Variants in LGR5 observed in about 807,000 individuals in gnomAD.
LGR5 encodes leucine-rich repeat-containing G protein-coupled receptor 5.
Under a neutral mutation model 76.7 loss-of-function variants are expected in LGR5, and 54 were observed. That is an observed-to-expected ratio of 0.70 (90% CI 0.57 to 0.88). The LOEUF is 0.88. Ranked by LOEUF, LGR5 falls within the 40% of genes least tolerant of loss-of-function variation. LGR5 has a pLI of 0.00. For missense variants in LGR5, 1,078 were observed against 1,073.3 expected (o/e 1.00, Z -0.06); for synonymous variants, 406 against 421.9 (o/e 0.96, Z 0.46).
intron 6 of LGR5, among the ~76,000 whole-genome samples, chr12:71,557,154 C>T (rs973029429): frequency 5.3e-5 from 8 of 152,158 alleles, no homozygotes; most frequent in Admixed American, 2.0e-4. Flanking sequence ...GGCGTGGTGA[C>T]TCATGCCTGT....
intron 4 of LGR5, among the ~76,000 whole-genome samples, chr12:71,550,408 C>T (rs1877420392): frequency 6.7e-6 from 1 of 149,932 alleles, no homozygotes; most frequent in Admixed American, 6.7e-5. Flanking sequence ...TCTGGGATTA[C>T]AGGCATGAAC....
At chr12:71,544,834 A>G (rs1337493534) in intron 4 of LGR5, among the ~76,000 whole-genome samples, 2 of 152,234 alleles carry the variant, frequency 1.3e-5, no homozygotes, top group Non-Finnish European at 2.9e-5. Flanking sequence ...ATAATAATCA[A>G]GAATGCTTTT....
chr12:71,583,980 T>C lies in LGR5; in HGVS notation c.1970T>C (p.Leu657Pro). 1.2e-6 allele frequency: 2 copies of C among 1,614,224 alleles called. No homozygotes were observed. Residue 657 changes from leucine (L) to proline (P), a missense_variant, in exon 18 of 18, where the codon CTG (leucine) becomes CCG (proline). By Grantham distance (98) the Leu-to-Pro change is moderately conservative (BLOSUM62 -3). Coordinates refer to ENST00000266674, the MANE Select transcript of LGR5 (RefSeq NM_003667.4). ...GAATCATCTGTTTTCCTGCTTACTC[T>C]GGCAGCCCTGGAGCGTGGGTTCTCT... is the stretch of plus-strand genomic sequence containing the variant. ...ASESSVFLLTLAALERGFSVK... is the reference protein window; with the variant it reads ...ASESSVFLLTPAALERGFSVK...
At chr12:71,449,339 C>T (rs17109687) in intron 1 of LGR5, among the ~76,000 whole-genome samples, 1,761 of 152,244 alleles carry the variant, frequency 0.012, 37 homozygotes, top group African/African-American at 0.04. Flanking sequence ...TTAACTCATG[C>T]GCAGCCCCTG....
intron 1 of LGR5, among the ~76,000 whole-genome samples, chr12:71,442,192 C>G (rs1761224709): frequency 6.6e-6 from 1 of 152,166 alleles, no homozygotes; most frequent in African/African-American, 2.4e-5. Flanking sequence ...CTTGAAAGAA[C>G]AAACATTTGT....
At chr12:71,573,986 C>A (rs1280617) in intron 13 of LGR5, among the ~76,000 whole-genome samples, 73,875 of 150,948 alleles carry the variant, frequency 0.49, 21,763 homozygotes, top group Middle Eastern at 0.67. Context: ...CTAACCCTAA[C>A]CCTTATTCAG....
At chr12:71,486,727 T>C (rs1003646529) in intron 1 of LGR5, among the ~76,000 whole-genome samples, 12 of 152,180 alleles carry the variant, frequency 7.9e-5, no homozygotes, top group African/African-American at 2.7e-4. Flanking sequence ...TTATCTCAGA[T>C]TGTACTCCTT....
At chr12:71,515,604 TATC>T (rs1253958596) in intron 2 of LGR5, among the ~76,000 whole-genome samples, 2 of 152,068 alleles carry the variant, frequency 1.3e-5, no homozygotes, top group African/African-American at 4.8e-5. Flanking sequence ...AATAGGCAAA[TATC>T]ATCCAGATTT....
rs1010293944 is a variant in LGR5 at position 71,440,003 on chromosome 12, C to T, written c.-78C>T. 38 of 1,424,956 alleles carry T rather than the reference C, an allele frequency of 2.7e-5. No individual in the cohort carries two copies. Among genetic ancestry groups the T allele is most frequent in the Non-Finnish European group, 3.4e-5 (35 of 1,036,722 alleles). The allele number at this position is 1,424,956 out of a possible 1,614,324, so 88.3% of individuals were successfully genotyped here. A position where few individuals can be genotyped will look rare whatever the true frequency, so the allele number is the denominator to read the frequency against. On this transcript the variant is annotated 5_prime_UTR_variant, in exon 1 of 18. Coordinates refer to ENST00000266674, the MANE Select transcript of LGR5 (RefSeq NM_003667.4). The surrounding 1 kb of genome is among the most constrained non-coding windows in gnomAD (Gnocchi z 5.3). ...AGTTGCAGAAGCCCACGGAGCGGCG[C>T]CCGGCGCGCCACGGCCCGTAGCAGT...
At chr12:71,521,649 G>A (rs1328866110) in intron 2 of LGR5, among the ~76,000 whole-genome samples, 1 of 152,158 alleles carries the variant, frequency 6.6e-6, no homozygotes, top group Non-Finnish European at 1.5e-5. Context: ...TAGCTGGGTG[G>A]CCATGTAATC....
chr12:71,552,339 C>T (rs2137409088), intron 4 of LGR5, among the ~76,000 whole-genome samples: 2 of 152,176 alleles, frequency 1.3e-5, no homozygotes, highest in East Asian at 3.9e-4. Context: ...CCGAGGTGGG[C>T]AGATCGCATG....
intron 4 of LGR5, among the ~76,000 whole-genome samples, chr12:71,547,637 G>A (rs1592533257): frequency 1.3e-5 from 2 of 152,170 alleles, no homozygotes; most frequent in Admixed American, 6.5e-5. Flanking sequence ...CCCACAAAGA[G>A]AGATATCAAT....
Position 71,583,673 on chromosome 12 carries a change from C to T in LGR5, c.1663C>T (p.Leu555Phe), listed in dbSNP as rs757949658. 5.0e-6 allele frequency: 8 copies of T among 1,613,368 alleles called. No individual in the cohort carries two copies. The East Asian group carries it at 1.8e-4, about 36-fold the overall frequency. ...CCCCTTCAAACCCTGTGAACACCTG[C>T]TTGATGGCTGGCTGATCAGAATTGG... Reference protein sequence around the residue: ...PGPFKPCEHLLDGWLIRIGVW... With the variant: ...PGPFKPCEHLFDGWLIRIGVW... Residue 555 changes from leucine (L) to phenylalanine (F), a missense_variant, in exon 18 of 18, where the codon CTT becomes TTT. By Grantham distance (22) the Leu-to-Phe change is conservative. Transcript: ENST00000266674.
chr12:71,584,412 T>C lies in LGR5; in HGVS notation c.2402T>C (p.Ile801Thr). The change falls in exon 18 of 18, where the codon ATT (isoleucine) becomes ACT (threonine). Residue 801 changes from isoleucine to threonine, a missense_variant. Coordinates refer to ENST00000266674, the MANE Select transcript of LGR5 (RefSeq NM_003667.4). ...CTTACATTTATCAGTCCTGAAGTAA[T>C]TAAGTTTATCCTTCTGGTGGTAGTC... ...INLTFISPEV[I>T]KFILLVVVPL... The C allele has an allele frequency of 6.2e-7, 1 of 1,614,084 alleles. No individual in the cohort carries two copies. Among genetic ancestry groups the C allele is most frequent in the Non-Finnish European group, 8.5e-7 (1 of 1,179,902 alleles).
chr12:71,578,870 A>G lies in LGR5; in HGVS notation c.1347A>G (p.Lys449=), dbSNP rs751374998. ...GGTTACATGGTTTAACTCACTTAAA[A>G]TTAACAGGAAATCATGCCTTACAGA... is the stretch of plus-strand genomic sequence containing the variant. ...ITGLHGLTHL[K]LTGNHALQSL... Residue 449 remains lysine (K), a synonymous_variant, in exon 15 of 18, where the codon AAA becomes AAG. Coordinates refer to ENST00000266674, the MANE Select transcript of LGR5 (RefSeq NM_003667.4). 1.1e-5 allele frequency: 17 copies of G among 1,612,876 alleles called. No individual in the cohort carries two copies. In the African/African-American group the frequency reaches 2.3e-4, roughly 22 times the overall value.
chr12:71,496,834 G>A (rs1261960865), intron 1 of LGR5, among the ~76,000 whole-genome samples: 1 of 152,214 alleles, frequency 6.6e-6, no homozygotes, highest in Admixed American at 6.5e-5. Context: ...ACACAAAAAT[G>A]TCTATAAATG....
At chr12:71,471,641 G>GC in intron 1 of LGR5, among the ~76,000 whole-genome samples, 1 of 142,670 alleles carries the variant, frequency 7.0e-6, no homozygotes, top group African/African-American at 2.5e-5. Flanking sequence ...AAGCTGTTTT[G>GC]TTTTTTTTTT....
chr12:71,554,960 G>A (rs1219336231), intron 5 of LGR5, among the ~76,000 whole-genome samples: 2 of 151,874 alleles, frequency 1.3e-5, no homozygotes, highest in Non-Finnish European at 2.9e-5. Flanking sequence ...TTTGCTTCAT[G>A]CCCACCCACT....
At chr12:71,578,095 C>T (rs1371695869) in intron 14 of LGR5, 99 bp downstream of exon 14, 5 of 867,816 alleles carry the variant, frequency 5.8e-6, no homozygotes, top group Admixed American at 1.9e-5. Flanking sequence ...TGGATATGCA[C>T]AGATTACCTG....
Sources: allele counts gnomAD v4.1 joint callset (sites outside exome capture counted in the v4.1 genomes callset), GRCh38; gene constraint gnomAD v4.1.1; non-coding constraint Gnocchi (gnomAD v3.1); transcripts MANE v1.5; gene names NCBI Gene and HGNC (gene_info 2026-07-23, HGNC 2026-07-21).